ERMP1: variants seen among roughly 807,000 people sequenced by gnomAD.
ERMP1 encodes the protein Felix-ina.
Under a neutral mutation model 92.0 loss-of-function variants are expected in ERMP1, and 86 were observed. The observed-to-expected ratio is 0.93, with a 90% CI of 0.79 to 1.12. The LOEUF is 1.12. Among genes scored for constraint, ERMP1 ranks in the 50% most tolerant of loss-of-function variants. The pLI, the probability that ERMP1 is intolerant of heterozygous loss-of-function variation, is 0.00. For synonymous variants in ERMP1, 530 were observed against 412.8 expected, an observed-to-expected ratio of 1.28 and a Z score of -3.44; for missense variants, 1,342 against 1,116.3, an observed-to-expected ratio of 1.20 and a Z score of -2.88.
rs1004038758 is a variant in ERMP1, at chr9:5,797,754, C to T, written c.2386+63G>A. The T allele has an allele frequency of 6.2e-5, 60 of 968,840 alleles. No homozygotes were observed. The African/African-American group carries it at 7.8e-4, about 13-fold the overall frequency. The allele number at this position is 968,840 out of a possible 1,614,324, so 60.0% of individuals were successfully genotyped here. On this transcript the variant is annotated intron_variant, in intron 13 of 14. Transcript: ENST00000339450. ...GTGATATATCTGAGGGAAAAACATA[C>T]ATGCCACTTATTAACAAGTTTAAGA... is the stretch of plus-strand genomic sequence containing the variant.
intron 13 of ERMP1, among the ~76,000 whole-genome samples, chr9:5,793,258 C>T (rs1828278496): frequency 6.6e-6 from 1 of 150,748 alleles, no homozygotes; most frequent in Non-Finnish European, 1.5e-5. Flanking sequence ...GACAGGGCAG[C>T]CATTAAAAAA....
intron 4 of ERMP1, among the ~76,000 whole-genome samples, chr9:5,817,870 G>A (rs1283268309): frequency 6.6e-6 from 1 of 151,964 alleles, no homozygotes. Context: ...AAAAAAAGGA[G>A]GAACTAATAA....
chr9:5,805,559 T>G, intron 9 of ERMP1, 52 bp downstream of exon 9: 1 of 1,449,772 alleles, frequency 6.9e-7, no homozygotes, highest in Non-Finnish European at 9.2e-7. Context: ...CCTGAAAGCC[T>G]TAAGTATTTT....
At chr9:5,807,547 A>G (rs1486342467) in intron 8 of ERMP1, among the ~76,000 whole-genome samples, 1 of 152,094 alleles carries the variant, frequency 6.6e-6, no homozygotes, top group African/African-American at 2.4e-5. Flanking sequence ...GGAGTTGGAG[A>G]CCAGCCTGGC....
At chr9:5,818,712 CAA>C (rs112496938) in intron 4 of ERMP1, among the ~76,000 whole-genome samples, 14 of 126,822 alleles carry the variant, frequency 1.1e-4, no homozygotes, top group Admixed American at 1.6e-4. Flanking sequence ...GATCCTATCT[CAA>C]AAAAAAAAAA....
intron 7 of ERMP1, 132 bp from the exon 8 acceptor site, chr9:5,810,363 C>G (rs575767146): frequency 1.1e-5 from 7 of 637,282 alleles, no homozygotes; most frequent in African/African-American, 1.8e-5. Context: ...TGAAAATGTC[C>G]TAGTGTTGAG....
At chr9:5,799,259 A>G (rs569289642) in intron 11 of ERMP1, among the ~76,000 whole-genome samples, 3 of 152,322 alleles carry the variant, frequency 2.0e-5, no homozygotes, top group Admixed American at 2.0e-4. Context: ...GAAACTTACT[A>G]TTTCAGACTT....
upstream of ERMP1, among the ~76,000 whole-genome samples, chr9:5,837,299 G>GA (rs1830106207): frequency 6.6e-6 from 1 of 151,806 alleles, no homozygotes; most frequent in Non-Finnish European, 1.5e-5. Context: ...TTCTTTAGGG[G>GA]AAAAAAATCA....
intron 6 of ERMP1, among the ~76,000 whole-genome samples, chr9:5,839,624 C>G (rs1830134928): frequency 6.6e-6 from 1 of 152,080 alleles, no homozygotes; most frequent in African/African-American, 2.4e-5. Context: ...ACCCCCAGCA[C>G]TTCCTGAGCC....
intron 13 of ERMP1, chr9:5,791,326 G>A (rs1828189199): frequency 2.2e-6 from 1 of 455,890 alleles, no homozygotes; most frequent in Non-Finnish European, 4.4e-6. Flanking sequence ...CAGTCTGCTA[G>A]CAGAATTCCC....
chr9:5,796,025 T>C (rs1386004456), intron 13 of ERMP1, among the ~76,000 whole-genome samples: 1 of 152,158 alleles, frequency 6.6e-6, no homozygotes, highest in African/African-American at 2.4e-5. Flanking sequence ...ATAAGGATTC[T>C]ATAAGGAAAA....
At position 5,786,282 on chromosome 9, in the gene ERMP1, C is replaced by G. The variant is rs1311739883; in HGVS notation, c.*862G>C. 6.6e-6 allele frequency: 1 copy of G among 152,150 alleles called. No homozygotes were observed. The highest frequency in any genetic ancestry group is 1.5e-5 in the Non-Finnish European group (1 of 68,046). 9.4% of individuals were successfully genotyped at this position (152,150 alleles called of 1,614,324 possible). On this transcript the variant is annotated 3_prime_UTR_variant, in exon 15 of 15. Transcript: ENST00000339450. Reference sequence around the variant, plus strand: ...CACCACTCCCAGCCTTCCTTCTACCCCAGAATAGCCCAGATGGCAGCTCAG... The same window carrying G: ...CACCACTCCCAGCCTTCCTTCTACCGCAGAATAGCCCAGATGGCAGCTCAG...
rs571623926 is a variant in ERMP1, at chr9:5,810,484, T to A, written c.1328-253A>T. On this transcript the variant is annotated intron_variant, in intron 7 of 14. Coordinates refer to ENST00000339450, the MANE Select transcript of ERMP1 (RefSeq NM_024896.3). ...AAAAGATAAATCTTCTAGGAATAGT[T>A]CAGGTACATTCCTTATGAAGGAAGA... 1.6e-4 allele frequency among the ~76,000 whole-genome samples: 25 copies of A among 152,330 alleles called. No homozygotes were observed. The South Asian group carries it at 5.2e-3, about 32-fold the overall frequency.
chr9:5,810,306 A>C, intron 7 of ERMP1, 75 bp from the exon 8 acceptor site: 1 of 1,062,098 alleles, frequency 9.4e-7, no homozygotes, highest in African/African-American at 1.6e-5. Flanking sequence ...GTAGAGCTAA[A>C]TGGGCAAACA....
chr9:5,832,706 C>A lies in ERMP1; in HGVS notation c.322G>T (p.Asp108Tyr). ...RGAAGHRGEFDALQARDYLEH... is the reference protein window; with the variant it reads ...RGAAGHRGEFYALQARDYLEH... ...GGCCGGTACCTGGCTTGGAGCGCGT[C>A]GAACTCCCCGCGGTGTCCAGCGGCC... The change falls in exon 1 of 15, where the codon GAC (aspartate) becomes TAC (tyrosine). Residue 108 changes from aspartate to tyrosine, a missense_variant. Physicochemically the swap from Asp to Tyr is radical, Grantham distance 160. Coordinates refer to ENST00000339450, the MANE Select transcript of ERMP1 (RefSeq NM_024896.3). The A allele has an allele frequency of 6.8e-7, 1 of 1,479,494 alleles. No individual in the cohort carries two copies. Among genetic ancestry groups the A allele is most frequent in the South Asian group, 1.3e-5 (1 of 77,406 alleles). The allele number at this position is 1,479,494 out of a possible 1,614,324, so 91.6% of individuals were successfully genotyped here. A position where few individuals can be genotyped will look rare whatever the true frequency, so the allele number is the denominator to read the frequency against.
intron 3 of ERMP1, 138 bp downstream of exon 3, chr9:5,824,954 A>C (rs2275777): frequency 0.37 from 282,898 of 768,480 alleles, 55,215 homozygotes; most frequent in East Asian, 0.6. Flanking sequence ...ACTGCTCATA[A>C]AGTATTTTTC....
At chr9:5,794,300 G>T (rs996276410) in intron 13 of ERMP1, among the ~76,000 whole-genome samples, 4 of 152,026 alleles carry the variant, frequency 2.6e-5, no homozygotes, top group South Asian at 2.1e-4. Flanking sequence ...GTGCTTAGAA[G>T]GAAACTTATA....
Position 5,825,329 on chromosome 9 carries a change from A to G in ERMP1, c.641-110T>C. ...CTCAGAGAAGCATCACAATAGCTGC[A>G]TGACCAGAAGCATAGCTCTGTCATC... On this transcript the variant is annotated intron_variant, in intron 2 of 14. Transcript: ENST00000339450. 3 of 1,036,396 alleles carry G rather than the reference A, an allele frequency of 2.9e-6. No individual in the cohort carries two copies. In the South Asian group the frequency reaches 5.0e-5, roughly 17 times the overall value. 64.2% of individuals were successfully genotyped at this position (1,036,396 alleles called of 1,614,324 possible).
In ERMP1 at chr9:5,832,947, T is replaced by C; in HGVS notation, c.81A>G (p.Pro27=). Residue 27 remains proline, a synonymous_variant, in exon 1 of 15, where the codon CCA becomes CCG. Transcript: ENST00000339450. The stretch of plus-strand genomic sequence containing the variant: ...GCGCTCGGGCCTCCCTCTCCGGCGG[T>C]GGCGCGGCCGCCGCTCCCTCTCGAC... ...VERREGAAAA[P]PPEREARAQE... 6.4e-7 allele frequency: 1 copy of C among 1,562,164 alleles called. No individual in the cohort carries two copies. Among genetic ancestry groups the C allele is most frequent in the South Asian group, 1.2e-5 (1 of 86,168 alleles).
Sources: allele counts gnomAD v4.1 joint callset (sites outside exome capture counted in the v4.1 genomes callset), GRCh38; gene constraint gnomAD v4.1.1; transcripts MANE v1.5; gene names NCBI Gene and HGNC (gene_info 2026-07-23, HGNC 2026-07-21).